TCF4: variants seen among roughly 807,000 people sequenced by gnomAD.
TCF4 encodes the protein SL3-3 enhancer factor 2.
A neutral mutation model predicts 82.1 loss-of-function variants in TCF4; 3 were observed. The observed-to-expected ratio is 0.04, with a 90% CI of 0.02 to 0.09. The LOEUF (loss-of-function observed/expected upper bound fraction) is 0.09. TCF4 is among the 10% of genes least tolerant of loss of function. The pLI, the probability that TCF4 is intolerant of heterozygous loss-of-function variation, is 1.00. For missense variants in TCF4, 518 were observed against 852.7 expected (o/e 0.61, Z 4.89); for synonymous variants, 276 against 309.6 (o/e 0.89, Z 1.14).
chr18:55,577,721 C>T lies in TCF4; in HGVS notation c.145+7559G>A, dbSNP rs570589523. On this transcript the variant is annotated intron_variant, in intron 3 of 19. Transcript: ENST00000354452. ...GGATGCCTTGCAATTCAGCTAAGTA[C>T]CCCCCAAAAGAATGTTTAAATGAAT... Among the ~76,000 whole-genome samples the T allele has an allele frequency of 1.4e-3, 215 of 152,110 alleles. 2 individuals carry two copies. Among genetic ancestry groups the T allele is most frequent in the African/African-American group, 4.5e-3 (186 of 41,506 alleles).
intron 8 of TCF4, among the ~76,000 whole-genome samples, chr18:55,291,907 A>G (rs2146617686): frequency 6.6e-6 from 1 of 152,328 alleles, no homozygotes; most frequent in East Asian, 1.9e-4. Context: ...AAAATGTGAT[A>G]AAGTGAGTAG....
At chr18:55,381,976 T>A (rs1426949504) in intron 6 of TCF4, among the ~76,000 whole-genome samples, 1 of 151,966 alleles carries the variant, frequency 6.6e-6, no homozygotes, top group Non-Finnish European at 1.5e-5. Context: ...AGTACTGGAC[T>A]AGGTGAGAAT....
intron 8 of TCF4, among the ~76,000 whole-genome samples, chr18:55,332,760 G>A (rs569790963): frequency 6.6e-6 from 1 of 152,340 alleles, no homozygotes; most frequent in Admixed American, 6.5e-5. Flanking sequence ...AGTGCCAAGT[G>A]AGTGAAAACT....
At chr18:55,576,092 C>T (rs1326877936) in intron 3 of TCF4, among the ~76,000 whole-genome samples, 10 of 151,984 alleles carry the variant, frequency 6.6e-5, no homozygotes, top group African/African-American at 9.7e-5. Context: ...TGTGAAAACC[C>T]CTCTTGAATT....
At position 55,458,919 on chromosome 18, in the gene TCF4, G is replaced by A. The variant is rs563111904; in HGVS notation, c.304+2100C>T. 2.6e-4 allele frequency among the ~76,000 whole-genome samples: 39 copies of A among 152,186 alleles called. 1 individual carries two copies. In the South Asian group the frequency reaches 6.2e-3, roughly 24 times the overall value. On this transcript the variant is annotated intron_variant, in intron 5 of 19. Coordinates refer to ENST00000354452, the MANE Select transcript of TCF4 (RefSeq NM_001083962.2). ...CCCAGTCTGACACTGCGCCGTTAAT[G>A]TCAGATAAACCATTTAGCCCAAGCA...
intron 11 of TCF4, among the ~76,000 whole-genome samples, chr18:55,262,493 A>G (rs971634230): frequency 6.6e-6 from 1 of 152,198 alleles, no homozygotes; most frequent in Non-Finnish European, 1.5e-5. Context: ...TTCTGAGGGA[A>G]GATTGTTTTT....
intron 6 of TCF4, among the ~76,000 whole-genome samples, chr18:55,388,449 A>G (rs2092784631): frequency 6.6e-6 from 1 of 152,252 alleles, no homozygotes; most frequent in African/African-American, 2.4e-5. Context: ...CTTACAGGAA[A>G]CATTCAAAAT....
intron 5 of TCF4, among the ~76,000 whole-genome samples, chr18:55,452,981 A>AT (rs1422064167): frequency 6.6e-6 from 1 of 152,174 alleles, no homozygotes; most frequent in Non-Finnish European, 1.5e-5. Flanking sequence ...AATTTTCAAA[A>AT]TTATTAAATA....
chr18:55,488,492 T>C (rs1465755294), intron 3 of TCF4, among the ~76,000 whole-genome samples: 1 of 151,678 alleles, frequency 6.6e-6, no homozygotes, highest in Non-Finnish European at 1.5e-5. Flanking sequence ...GCCAGTAAAA[T>C]GCCAAACAAA....
chr18:55,382,874 T>C (rs1490551074), intron 6 of TCF4, among the ~76,000 whole-genome samples: 1 of 152,246 alleles, frequency 6.6e-6, no homozygotes, highest in East Asian at 1.9e-4. Context: ...TCATTACCTA[T>C]TCTGATAGTT....
chr18:55,495,846 T>C (rs200321362), intron 3 of TCF4: 1 of 152,180 alleles, frequency 6.6e-6, no homozygotes, highest in East Asian at 1.9e-4. Flanking sequence ...GAAAAGGAAT[T>C]TATGTTCATT....
chr18:55,403,482 C>T lies in TCF4; in HGVS notation c.341G>A (p.Arg114Lys), dbSNP rs139876825. The change falls in exon 6 of 20, where the codon AGA (arginine) becomes AAA (lysine). Residue 114 changes from arginine to lysine, a missense_variant. By Grantham distance (26) the Arg-to-Lys change is conservative. Transcript: ENST00000354452. Reference protein sequence around the residue: ...TERGSYSSYGRESNLQGCHQQ... With the variant: ...TERGSYSSYGKESNLQGCHQQ... Reference sequence around the variant, plus strand: ...GTGGCAACCCTGTAAGTTTGATTCTCTCCCATAAGATGAGTATGAGCCCCT... The same window carrying T: ...GTGGCAACCCTGTAAGTTTGATTCTTTCCCATAAGATGAGTATGAGCCCCT... The T allele has an allele frequency of 8.7e-5, 141 of 1,613,864 alleles. No homozygotes were observed. The African/African-American group carries it at 1.8e-3, about 21-fold the overall frequency.
At chr18:55,389,873 T>C (rs2146104322) in intron 6 of TCF4, among the ~76,000 whole-genome samples, 1 of 151,928 alleles carries the variant, frequency 6.6e-6, no homozygotes, top group Non-Finnish European at 1.5e-5. Context: ...GATTTATTGG[T>C]ATCTTGCAAG....
chr18:55,262,055 T>C (rs964376353), intron 11 of TCF4, among the ~76,000 whole-genome samples: 10 of 151,934 alleles, frequency 6.6e-5, no homozygotes, highest in Non-Finnish European at 1.3e-4. Context: ...GGAGAGAAAA[T>C]ATTTTTAATG....
At chr18:55,501,328 A>G (rs1013919496) in intron 3 of TCF4, among the ~76,000 whole-genome samples, 17 of 151,506 alleles carry the variant, frequency 1.1e-4, no homozygotes, top group Middle Eastern at 6.9e-3. Flanking sequence ...TTCGGAAGGG[A>G]AAAAAAAACC....
At chr18:55,332,297 T>G (rs1043642720) in intron 8 of TCF4, 3 of 149,950 alleles carry the variant, frequency 2.0e-5, no homozygotes, top group African/African-American at 7.5e-5. Context: ...ACATTCCGTT[T>G]ATCTAGATTT....
chr18:55,445,674 G>C (rs1270911910), intron 5 of TCF4, among the ~76,000 whole-genome samples: 1 of 152,116 alleles, frequency 6.6e-6, no homozygotes, highest in African/African-American at 2.4e-5. Flanking sequence ...ATATCAACCT[G>C]TCATCCCTTC....
intron 3 of TCF4, among the ~76,000 whole-genome samples, chr18:55,509,521 G>A (rs919068380): frequency 2.0e-5 from 3 of 151,992 alleles, no homozygotes; most frequent in Admixed American, 6.6e-5. Context: ...ACCAAATTGC[G>A]TTTAAAAAAG....
chr18:55,336,170 T>C (rs1401940550), intron 8 of TCF4, among the ~76,000 whole-genome samples: 2 of 152,100 alleles, frequency 1.3e-5, no homozygotes, highest in African/African-American at 4.8e-5. Context: ...ATAAAAAAAA[T>C]CACATTTCCA....
Sources: gnomAD v4.1 joint callset for allele counts (sites outside exome capture counted in the v4.1 genomes callset) on GRCh38, gnomAD v4.1.1 for gene constraint, MANE v1.5 for transcripts, NCBI Gene and HGNC (gene_info 2026-07-23, HGNC 2026-07-21) for gene names.